The following SLC12A6 variants were observed in gnomAD, a reference collection of about 807,000 sequenced individuals.
SLC12A6 encodes the protein K-Cl cotransporter 3.
A neutral mutation model predicts 135.3 loss-of-function variants in SLC12A6; 66 were observed. That is an observed-to-expected ratio of 0.49 (90% CI 0.40 to 0.60). SLC12A6 has a LOEUF of 0.60. SLC12A6 is among the 20% of genes least tolerant of loss of function. The pLI is 0.00. For synonymous variants in SLC12A6, 513 were observed against 508.8 expected (o/e 1.01, Z -0.11); for missense variants, 1,058 against 1,452.3 (o/e 0.73, Z 4.41).
At chr15:34,282,074 T>G (rs1334983219) in intron 2 of SLC12A6, among the ~76,000 whole-genome samples, 1 of 152,224 alleles carries the variant, frequency 6.6e-6, no homozygotes, top group African/African-American at 2.4e-5. Context: ...TGTAGACAGT[T>G]AACCATGAAC....
chr15:34,250,868 T>C, intron 11 of SLC12A6, 31 bp downstream of exon 11: 7 of 1,588,540 alleles, frequency 4.4e-6, no homozygotes, highest in Non-Finnish European at 5.2e-6. Flanking sequence ...GTCTGACAGC[T>C]TCTAAAATAT....
At chr15:34,316,372 C>A (rs565091053) in intron 2 of SLC12A6, among the ~76,000 whole-genome samples, 1 of 152,058 alleles carries the variant, frequency 6.6e-6, no homozygotes, top group East Asian at 1.9e-4. Context: ...ATCATGTTAT[C>A]TTCAAAAATA....
intron 4 of SLC12A6, among the ~76,000 whole-genome samples, chr15:34,259,970 A>T (rs1893000961): frequency 6.6e-6 from 1 of 152,228 alleles, no homozygotes. Flanking sequence ...GTCACAGGAT[A>T]CAAAGTTTCA....
chr15:34,271,224 T>C (rs1893911007), intron 3 of SLC12A6, among the ~76,000 whole-genome samples: 1 of 152,186 alleles, frequency 6.6e-6, no homozygotes, highest in Non-Finnish European at 1.5e-5. Context: ...GTGAATTATA[T>C]AAATTAACTT....
chr15:34,284,804 G>A (rs538074017), intron 2 of SLC12A6, among the ~76,000 whole-genome samples: 1 of 152,288 alleles, frequency 6.6e-6, no homozygotes, highest in Non-Finnish European at 1.5e-5. Flanking sequence ...ACTAGTGGGA[G>A]AGTGGTTTGT....
rs750272248 is a variant in SLC12A6, at chr15:34,256,180, C to G, written c.745+49G>C. ...TGCACCTCTAGCTTTATAGCATAAACACAGAGTCAACACTGATAAATCCTG... is the reference window on the plus strand; with the variant it reads ...TGCACCTCTAGCTTTATAGCATAAAGACAGAGTCAACACTGATAAATCCTG... On this transcript the variant is annotated intron_variant, in intron 7 of 25. Transcript: ENST00000354181. 9 of 1,187,282 alleles carry G rather than the reference C, an allele frequency of 7.6e-6. 1 individual carries two copies. In the East Asian group the frequency reaches 2.1e-4, roughly 28 times the overall value. 73.5% of individuals were successfully genotyped at this position (1,187,282 alleles called of 1,614,324 possible). A position where few individuals can be genotyped will look rare whatever the true frequency, so the allele number is the denominator to read the frequency against.
At chr15:34,297,884 C>G (rs1205860208) in intron 2 of SLC12A6, among the ~76,000 whole-genome samples, 1 of 151,996 alleles carries the variant, frequency 6.6e-6, no homozygotes, top group Non-Finnish European at 1.5e-5. Flanking sequence ...AACATGAGTA[C>G]AAAAATGCAA....
At chr15:34,275,706 G>C (rs1047413557) in intron 2 of SLC12A6, among the ~76,000 whole-genome samples, 5 of 151,966 alleles carry the variant, frequency 3.3e-5, no homozygotes, top group Admixed American at 3.3e-4. Context: ...AAGGTTACCA[G>C]GTATACTTCT....
intron 25 of SLC12A6, 117 bp from the exon 26 acceptor site, chr15:34,234,089 T>C: frequency 2.8e-6 from 2 of 709,006 alleles, no homozygotes; most frequent in Admixed American, 4.0e-5. Context: ...AATTATTATA[T>C]ATTCAGAAAA....
intron 2 of SLC12A6, among the ~76,000 whole-genome samples, chr15:34,277,870 T>C (rs543582723): frequency 2.1e-4 from 32 of 152,294 alleles, no homozygotes; most frequent in Middle Eastern, 3.4e-3. Flanking sequence ...AATGCCTGGG[T>C]TAATCAGTGG....
intron 2 of SLC12A6, among the ~76,000 whole-genome samples, chr15:34,296,002 AAAAC>A (rs201263543): frequency 0.01 from 1,541 of 152,346 alleles, 63 homozygotes; most frequent in Admixed American, 0.089. Context: ...CTTCATCTCA[AAAAC>A]AAACAAACAC....
intron 18 of SLC12A6, 172 bp downstream of exon 18, chr15:34,241,061 T>C (rs1261088211): frequency 1.5e-6 from 1 of 659,756 alleles, no homozygotes. Context: ...ATCTTGATCA[T>C]AAACGACATG....
chr15:34,314,009 G>T (rs1015242806), intron 2 of SLC12A6, among the ~76,000 whole-genome samples: 1 of 149,284 alleles, frequency 6.7e-6, no homozygotes, highest in Non-Finnish European at 1.5e-5. Flanking sequence ...GAACAACAAA[G>T]CCTGAATAGC....
At chr15:34,312,492 A>C (rs763673080) in intron 2 of SLC12A6, among the ~76,000 whole-genome samples, 4 of 152,230 alleles carry the variant, frequency 2.6e-5, no homozygotes, top group African/African-American at 4.8e-5. Context: ...AGAATCAAGT[A>C]AACAGATTAT....
chr15:34,313,485 A>ATGAGG (rs959767815), intron 2 of SLC12A6, among the ~76,000 whole-genome samples: 4 of 152,230 alleles, frequency 2.6e-5, no homozygotes. Flanking sequence ...AAGTTGGTTC[A>ATGAGG]TGAGGTTTAA....
At chr15:34,236,984 C>A in intron 22 of SLC12A6, 169 bp from the exon 23 acceptor site, 1 of 643,288 alleles carries the variant, frequency 1.6e-6, no homozygotes, top group South Asian at 1.6e-5. Flanking sequence ...GTTTTTGTGA[C>A]TGTAGATAAA....
intron 9 of SLC12A6, among the ~76,000 whole-genome samples, chr15:34,253,170 T>C (rs1359991593): frequency 6.6e-6 from 1 of 152,222 alleles, no homozygotes; most frequent in Non-Finnish European, 1.5e-5. Flanking sequence ...TGCAAAATGA[T>C]TGAATACATT....
intron 2 of SLC12A6, among the ~76,000 whole-genome samples, chr15:34,289,107 T>C (rs1895330445): frequency 6.6e-6 from 1 of 152,248 alleles, no homozygotes; most frequent in Non-Finnish European, 1.5e-5. Flanking sequence ...TTCAGTATGA[T>C]ACTGGCTGTG....
At chr15:34,260,408 G>T (rs557403629) in intron 4 of SLC12A6, among the ~76,000 whole-genome samples, 2 of 152,082 alleles carry the variant, frequency 1.3e-5, no homozygotes, top group African/African-American at 2.4e-5. Flanking sequence ...ACAGGCGCCC[G>T]CCACCATGCC....
Sources: allele counts gnomAD v4.1 joint callset (sites outside exome capture counted in the v4.1 genomes callset), GRCh38; gene constraint gnomAD v4.1.1; transcripts MANE v1.5; gene names NCBI Gene and HGNC (gene_info 2026-07-23, HGNC 2026-07-21).